TSPOAP1: variants seen among roughly 807,000 people sequenced by gnomAD.
TSPOAP1 encodes TSPO associated protein 1.
Under a neutral mutation model 197.0 loss-of-function variants are expected in TSPOAP1, and 87 were observed. The observed-to-expected ratio is 0.44, with a 90% CI of 0.37 to 0.53. The LOEUF is 0.53. Among genes scored for constraint, TSPOAP1 ranks in the 20% least tolerant of loss-of-function variants. TSPOAP1 has a pLI of 0.00. For missense variants in TSPOAP1, 2,174 were observed against 2,411.3 expected, an observed-to-expected ratio of 0.90 and a Z score of 2.06; for synonymous variants, 913 against 998.9, an observed-to-expected ratio of 0.91 and a Z score of 1.62.
chr17:58,327,876 G>A lies in TSPOAP1; in HGVS notation c.45C>T (p.Ala15=), dbSNP rs1971702484. The change falls in exon 1 of 32, where the codon GCC becomes GCT. Residue 15 remains alanine, a synonymous_variant. Transcript: ENST00000343736. ...AGGTGGGCAGTGCCCATGGCTCCAT[G>A]GCTCCAGGGTCCCCAGGCCGTGGGA... ...TTLPRPGDPG[A]MEPWALPTWH... is the part of the protein sequence containing the mutation. 6.2e-7 allele frequency: 1 copy of A among 1,609,692 alleles called. No homozygotes were observed. The highest frequency in any genetic ancestry group is 8.5e-7 in the Non-Finnish European group (1 of 1,176,746).
Position 58,323,011 on chromosome 17 carries a change from T to C in TSPOAP1, c.1133A>G (p.Glu378Gly), listed in dbSNP as rs1183533240. 17 of 1,611,044 alleles carry C rather than the reference T, an allele frequency of 1.1e-5. No homozygotes were observed. Among genetic ancestry groups the C allele is most frequent in the Non-Finnish European group, 1.4e-5 (17 of 1,178,842 alleles). Residue 378 changes from glutamate (E) to glycine (G), a missense_variant, in exon 8 of 32, where the codon GAG (glutamate) becomes GGG (glycine). Physicochemically the swap from Glu to Gly is moderately conservative, Grantham distance 98 (BLOSUM62 -2). Transcript: ENST00000343736. ...GTTCTCCTCCACCAGGCGGGCATTC[T>C]CATTCTGCGCTTGTCTCAGCTGCAG... ...LELQLRQAQN[E>G]NARLVEENSR...
rs1028571155 is a variant in TSPOAP1 at position 58,313,306 on chromosome 17, A to T, written c.2099-584T>A. Among the ~76,000 whole-genome samples, 5 of 152,202 alleles carry T rather than the reference A, an allele frequency of 3.3e-5. No individual in the cohort carries two copies. The South Asian group carries it at 8.3e-4, about 25-fold the overall frequency. On this transcript the variant is annotated intron_variant, in intron 16 of 31. Transcript: ENST00000343736. Reference sequence around the variant, plus strand: ...TAATTTCATATTAAAGTTTTAAAAAATAAGCAGGTCAGGATAAGAAAACTG... The same window carrying T: ...TAATTTCATATTAAAGTTTTAAAAATTAAGCAGGTCAGGATAAGAAAACTG...
chr17:58,305,166 T>G lies in TSPOAP1; in HGVS notation c.5439A>C (p.Glu1813Asp). 1 of 1,611,842 alleles carries G rather than the reference T, an allele frequency of 6.2e-7. No homozygotes were observed. The highest frequency in any genetic ancestry group is 8.5e-7 in the Non-Finnish European group (1 of 1,178,016). Residue 1813 changes from glutamate to aspartate, a missense_variant, in exon 30 of 32, where the codon GAA becomes GAC. Coordinates refer to ENST00000343736, the MANE Select transcript of TSPOAP1 (RefSeq NM_004758.4). ...GAACCAGGCCCCTTTGTCCATTTAA[T>G]TCCCCCTGGAGAGAAGAGGCCGGTG... ...GMDDDGFYYGELNGQRGLVPS... is the reference protein window; with the variant it reads ...GMDDDGFYYGDLNGQRGLVPS...
In TSPOAP1 at chr17:58,301,969, G is replaced by A. The variant is rs1037481145; in HGVS notation, c.*511C>T. 8.2e-6 allele frequency: 2 copies of A among 245,346 alleles called. No homozygotes were observed. The highest frequency in any genetic ancestry group is 1.0e-4 in the Admixed American group (2 of 19,286). 15.2% of individuals were successfully genotyped at this position (245,346 alleles called of 1,614,324 possible). A position where few individuals can be genotyped will look rare whatever the true frequency, so the allele number is the denominator to read the frequency against. On this transcript the variant is annotated 3_prime_UTR_variant, in exon 32 of 32. Coordinates refer to ENST00000343736, the MANE Select transcript of TSPOAP1 (RefSeq NM_004758.4). ...TGTGGGACACTAGTAGACGAGGTGGGTGGACCAGGACGCGAGGGTCCTGGG... is the reference window on the plus strand; with the variant it reads ...TGTGGGACACTAGTAGACGAGGTGGATGGACCAGGACGCGAGGGTCCTGGG...
At position 58,326,116 on chromosome 17, in the gene TSPOAP1, T is replaced by A. The variant is rs117108894; in HGVS notation, c.570+177A>T. The stretch of plus-strand genomic sequence containing the variant: ...TCTGCCCCCTGCAGCTCCAGAAACC[T>A]TTGGCCTCCTTGCCTGGCCAGCCTC... On this transcript the variant is annotated intron_variant, in intron 3 of 31. Coordinates refer to ENST00000343736, the MANE Select transcript of TSPOAP1 (RefSeq NM_004758.4). The surrounding 1 kb of genome is among the most constrained non-coding windows in gnomAD (Gnocchi z 4.7). 4.2e-3 allele frequency among the ~76,000 whole-genome samples: 641 copies of A among 152,244 alleles called. 2 individuals are homozygous for A. Among genetic ancestry groups the A allele is most frequent in the Non-Finnish European group, 7.2e-3 (490 of 68,012 alleles).
intron 26 of TSPOAP1, among the ~76,000 whole-genome samples, 154 bp from the exon 27 acceptor site, chr17:58,306,019 C>A (rs956835910): frequency 6.6e-6 from 1 of 152,122 alleles, no homozygotes; most frequent in African/African-American, 2.4e-5. Context: ...TGGCAGTGAA[C>A]TAACACCCAG....
At position 58,312,547 on chromosome 17, in the gene TSPOAP1, G is replaced by T. The variant is rs780080911; in HGVS notation, c.2274C>A (p.Ser758Arg). Reference protein sequence around the residue: ...GGGGSSSGGQSSVGRSQPRPE... With the variant: ...GGGGSSSGGQRSVGRSQPRPE... The stretch of plus-strand genomic sequence containing the variant: ...GTCTGGGCTGGCTCCTTCCCACACT[G>T]CTTTGGCCCCCGCTACTGCTGCCAC... The change falls in exon 17 of 32, where the codon AGC becomes AGA. Residue 758 changes from serine (S) to arginine (R), a missense_variant. This residue lies in a region of TSPOAP1 where 1,933 missense variants were observed against 2,139.0 expected (regional missense o/e 0.90). Transcript: ENST00000343736. The T allele has an allele frequency of 2.6e-5, 42 of 1,607,406 alleles. No homozygotes were observed. Among genetic ancestry groups the T allele is most frequent in the Admixed American group, 3.4e-5 (2 of 59,544 alleles).
Position 58,311,517 on chromosome 17 carries a change from C to G in TSPOAP1, c.3081+54G>C, listed in dbSNP as rs1971077128. The stretch of plus-strand genomic sequence containing the variant: ...AAGCCAGAGAGCCTAGACCTCTGAG[C>G]ATAGCAAGAAGGGACCCACCCCCAC... On this transcript the variant is annotated intron_variant, in intron 18 of 31. Transcript: ENST00000343736. 1.4e-5 allele frequency: 22 copies of G among 1,519,078 alleles called. 1 individual carries two copies. The South Asian group carries it at 2.8e-4, about 19-fold the overall frequency. 94.1% of individuals were successfully genotyped at this position (1,519,078 alleles called of 1,614,324 possible).
At chr17:58,325,139 G>GTAACCAGGCATGTA in intron 4 of TSPOAP1, 137 bp from the exon 5 acceptor site, 2 of 786,846 alleles carry the variant, frequency 2.5e-6, no homozygotes, top group Non-Finnish European at 3.9e-6. Flanking sequence ...ATGGGTACAT[G>GTAACCAGGCATGTA]CCTGGTTACA....
At chr17:58,318,506 G>A in intron 13 of TSPOAP1, 54 bp from the exon 14 acceptor site, 1 of 1,541,000 alleles carries the variant, frequency 6.5e-7, no homozygotes, top group Non-Finnish European at 8.8e-7. Context: ...GAGGGACCAG[G>A]AGATAGGGTG....
At position 58,319,475 on chromosome 17, in the gene TSPOAP1, G is replaced by A. The variant is rs78261338; in HGVS notation, c.1495-181C>T. Among the ~76,000 whole-genome samples, 1,100 of 152,312 alleles carry A rather than the reference G, an allele frequency of 7.2e-3. 6 individuals are homozygous for A. Among genetic ancestry groups the A allele is most frequent in the Non-Finnish European group, 0.013 (892 of 68,028 alleles). ...TTAATGCATCAGAGCGGAGGGTGAA[G>A]TCCTGGGCTGTGTCCTGGGACATCT... On this transcript the variant is annotated intron_variant, in intron 12 of 31. Coordinates refer to ENST00000343736, the MANE Select transcript of TSPOAP1 (RefSeq NM_004758.4).
chr17:58,326,473 C>T lies in TSPOAP1; in HGVS notation c.442-52G>A, dbSNP rs747092600. ...GCATGTAGGGAGCACCCCACAGACC[C>T]AGTCCTAACAGCCCAAGTCTTGGGC... On this transcript the variant is annotated intron_variant, in intron 2 of 31. Coordinates refer to ENST00000343736, the MANE Select transcript of TSPOAP1 (RefSeq NM_004758.4). This position sits in a 1 kb window ranked among gnomAD's most constrained non-coding sequence, Gnocchi z 4.7. 3 of 1,600,836 alleles carry T rather than the reference C, an allele frequency of 1.9e-6. No individual in the cohort carries two copies. The Admixed American group carries it at 5.1e-5, about 27-fold the overall frequency.
chr17:58,325,813 G>A lies in TSPOAP1; in HGVS notation c.571-100C>T, dbSNP rs541573288. ...AGGAGGAGTTAGCATGAAAACCTAG[G>A]GGGGTAGCCACCTGCTTCCACCTTG... On this transcript the variant is annotated intron_variant, in intron 3 of 31. Transcript: ENST00000343736. 6 of 1,337,630 alleles carry A rather than the reference G, an allele frequency of 4.5e-6. No homozygotes were observed. In the East Asian group the frequency reaches 7.2e-5, roughly 16 times the overall value. 82.9% of individuals were successfully genotyped at this position (1,337,630 alleles called of 1,614,324 possible). A position where few individuals can be genotyped will look rare whatever the true frequency, so the allele number is the denominator to read the frequency against.
Position 58,310,970 on chromosome 17 carries a change from G to A in TSPOAP1, c.3325C>T (p.Pro1109Ser). ...TGGAGAGGAGAGCTGGGGTCTCCAG[G>A]CCCTGGGGAGGCTGAAGCAAGGGGC... ...RAPLASASPG[P>S]GDPSSPLQHP... The change falls in exon 19 of 32, where the codon CCT (proline) becomes TCT (serine). Residue 1109 changes from proline to serine, a missense_variant. Physicochemically the swap from Pro to Ser is moderately conservative, Grantham distance 74. This residue lies in a region of TSPOAP1 where 1,933 missense variants were observed against 2,139.0 expected (regional missense o/e 0.90). Transcript: ENST00000343736. 6.3e-7 allele frequency: 1 copy of A among 1,594,736 alleles called. No individual in the cohort carries two copies. The highest frequency in any genetic ancestry group is 8.5e-7 in the Non-Finnish European group (1 of 1,171,132).
Position 58,325,551 on chromosome 17 carries a change from G to T in TSPOAP1, c.733C>A (p.Leu245Ile), listed in dbSNP as rs1382501007. ...CCTCGCACCTTGCCCACCAGAGTGA[G>T]CCTGGCCTGCAGCTCCCTGCACTCC... is the stretch of plus-strand genomic sequence containing the variant. ...QRECRELQAR[L>I]TLVGKEGPQW... The change falls in exon 4 of 32, where the codon CTC becomes ATC. Residue 245 changes from leucine to isoleucine, a missense_variant. Around this residue, in one of 5 missense-constraint regions of TSPOAP1, gnomAD observed 1,933 missense variants for 2,139.0 expected, o/e 0.90. Transcript: ENST00000343736. 3.1e-6 allele frequency: 5 copies of T among 1,612,560 alleles called. No homozygotes were observed. The East Asian group carries it at 1.1e-4, about 36-fold the overall frequency.
rs753049854 is a variant in TSPOAP1 at position 58,322,659 on chromosome 17, G to A, written c.1312C>T (p.Leu438=). ...QSKLESLEQV[L]KHMREVAQRR... ...CACCTGCACCATCTCCTCACCTTCA[G>A]CACTTGCTCCAGGCTCTCCAGCTTG... The change falls in exon 9 of 32, where the codon CTG becomes TTG. Residue 438 remains leucine (L), a synonymous_variant. Coordinates refer to ENST00000343736, the MANE Select transcript of TSPOAP1 (RefSeq NM_004758.4). This position sits in a 1 kb window ranked among gnomAD's most constrained non-coding sequence, Gnocchi z 5.0. The A allele has an allele frequency of 3.7e-6, 6 of 1,609,838 alleles. No homozygotes were observed. Among genetic ancestry groups the A allele is most frequent in the Admixed American group, 3.3e-5 (2 of 59,990 alleles).
At position 58,304,537 on chromosome 17, in the gene TSPOAP1, T is replaced by C. The variant is rs1970816577; in HGVS notation, c.5545-138A>G. The C allele has an allele frequency of 2.8e-6, 2 of 718,368 alleles. No homozygotes were observed. The highest frequency in any genetic ancestry group is 3.5e-5 in the African/African-American group (2 of 57,084). The allele number at this position is 718,368 out of a possible 1,614,324, so 44.5% of individuals were successfully genotyped here. ...GTTCACACATGGAAGCCCTGAGTTTTCTGGCTGGGGCTTGGCCTCTTCACC... is the reference window on the plus strand; with the variant it reads ...GTTCACACATGGAAGCCCTGAGTTTCCTGGCTGGGGCTTGGCCTCTTCACC... On this transcript the variant is annotated intron_variant, in intron 30 of 31. Coordinates refer to ENST00000343736, the MANE Select transcript of TSPOAP1 (RefSeq NM_004758.4). This position sits in a 1 kb window ranked among gnomAD's most constrained non-coding sequence, Gnocchi z 4.2.
intron 25 of TSPOAP1, 148 bp downstream of exon 25, chr17:58,306,652 C>T: frequency 9.3e-7 from 1 of 1,080,016 alleles, no homozygotes; most frequent in Non-Finnish European, 1.3e-6. Flanking sequence ...TACAGTCTGA[C>T]CACTACGCAG....
At position 58,302,347 on chromosome 17, in the gene TSPOAP1, C is replaced by T. The variant is rs867718930; in HGVS notation, c.*133G>A. 7.8e-7 allele frequency: 1 copy of T among 1,289,352 alleles called. No individual in the cohort carries two copies. Among genetic ancestry groups the T allele is most frequent in the African/African-American group, 1.5e-5 (1 of 65,846 alleles). 79.9% of individuals were successfully genotyped at this position (1,289,352 alleles called of 1,614,324 possible). On this transcript the variant is annotated 3_prime_UTR_variant, in exon 32 of 32. Coordinates refer to ENST00000343736, the MANE Select transcript of TSPOAP1 (RefSeq NM_004758.4). ...GAAACCCCACACCTTCTCGCTTCTG[C>T]CCTGGGGCTCCCCACGTTCAATCCT...
Sources: gnomAD v4.1 joint callset for allele counts (sites outside exome capture counted in the v4.1 genomes callset) on GRCh38, gnomAD v4.1.1 for gene constraint, gnomAD v4.1.1 regional missense constraint, Gnocchi (gnomAD v3.1) non-coding constraint, MANE v1.5 for transcripts, NCBI Gene and HGNC (gene_info 2026-07-23, HGNC 2026-07-21) for gene names.